EPB41: variants seen among roughly 807,000 people sequenced by gnomAD.
EPB41 encodes protein 4.1.
A neutral mutation model predicts 108.0 loss-of-function variants in EPB41; 65 were observed. The observed-to-expected ratio is 0.60, with a 90% confidence interval of 0.49 to 0.74. The LOEUF (loss-of-function observed/expected upper bound fraction) is 0.74, where lower values mean the gene tolerates loss of function less well. Ranked by LOEUF, EPB41 falls within the 30% of genes least tolerant of loss-of-function variation. The pLI is 0.00. For missense variants in EPB41, 875 were observed against 1,037.0 expected (o/e 0.84, Z 2.15); for synonymous variants, 336 against 358.9 (o/e 0.94, Z 0.72).
At chr1:29,111,851 C>A (rs538126498) in intron 18 of EPB41, among the ~76,000 whole-genome samples, 1 of 151,506 alleles carries the variant, frequency 6.6e-6, no homozygotes, top group Non-Finnish European at 1.5e-5. Flanking sequence ...GTGGTGCGTG[C>A]CTGTAGTCCC....
At chr1:29,091,319 T>C (rs1174848088) in intron 16 of EPB41, among the ~76,000 whole-genome samples, 1 of 152,222 alleles carries the variant, frequency 6.6e-6, no homozygotes, top group African/African-American at 2.4e-5. Context: ...TTCCTCTCCA[T>C]GTGAATGGGT....
intron 4 of EPB41, among the ~76,000 whole-genome samples, chr1:29,001,765 C>T (rs1355666087): frequency 6.6e-6 from 1 of 152,156 alleles, no homozygotes; most frequent in African/African-American, 2.4e-5. Flanking sequence ...TCTCCCTCCT[C>T]CTTTACACAA....
intron 1 of EPB41, among the ~76,000 whole-genome samples, chr1:28,890,659 A>G (rs1020873379): frequency 6.6e-6 from 1 of 152,232 alleles, no homozygotes; most frequent in African/African-American, 2.4e-5. Context: ...TACTATGCAC[A>G]GCATTCTGTT....
chr1:29,057,396 A>AAAAAAAAAAT (rs1645722060), intron 12 of EPB41, among the ~76,000 whole-genome samples: 1 of 148,428 alleles, frequency 6.7e-6, no homozygotes, highest in Non-Finnish European at 1.5e-5. Flanking sequence ...AAAAAAAAAA[A>AAAAAAAAAAT]GAAAAAGAAA....
chr1:29,075,156 C>CA (rs397979778), intron 16 of EPB41, among the ~76,000 whole-genome samples: 12,964 of 97,548 alleles, frequency 0.13, 1,524 homozygotes, highest in African/African-American at 0.3. Context: ...GACTCCGTCT[C>CA]AAAAAAAAAA....
chr1:28,993,600 T>G (rs1419906827), intron 3 of EPB41, 58 bp downstream of exon 3: 1 of 1,506,936 alleles, frequency 6.6e-7, no homozygotes, highest in East Asian at 2.3e-5. Flanking sequence ...CATCTAGAGT[T>G]GCGTAAGTGG....
intron 1 of EPB41, among the ~76,000 whole-genome samples, chr1:28,943,599 A>G (rs2094382746): frequency 1.3e-5 from 2 of 152,072 alleles, no homozygotes; most frequent in South Asian, 4.1e-4. Flanking sequence ...CAGTGAGCTG[A>G]TATCGTGCCA....
intron 5 of EPB41, among the ~76,000 whole-genome samples, chr1:29,013,846 T>G (rs1028519846): frequency 1.4e-5 from 2 of 147,050 alleles, no homozygotes; most frequent in African/African-American, 5.2e-5. Context: ...TTTTTTTTTT[T>G]TTTTTTTTTA....
chr1:28,993,394 A>C lies in EPB41; in HGVS notation c.533A>C (p.Glu178Ala). The part of the protein sequence containing the change: ...FEIKEGEGLE[E>A]CSKIEVKEES... ...ATTAAGGAAGGAGAAGGACTTGAAG[A>C]GTGCTCCAAAATAGAAGTAAAAGAA... Residue 178 changes from glutamate to alanine, a missense_variant, in exon 3 of 21, where the codon GAG becomes GCG. By Grantham distance (107) the Glu-to-Ala change is moderately radical. Transcript: ENST00000343067. 6.2e-7 allele frequency: 1 copy of C among 1,613,912 alleles called. No homozygotes were observed. The highest frequency in any genetic ancestry group is 2.2e-5 in the East Asian group (1 of 44,864).
chr1:28,989,464 TG>T (rs1482976263), intron 2 of EPB41: 4 of 907,150 alleles, frequency 4.4e-6, no homozygotes, highest in African/African-American at 1.8e-5. Context: ...CTGACAGTGT[TG>T]GGGGGAAAAA....
intron 15 of EPB41, among the ~76,000 whole-genome samples, chr1:29,064,114 A>T (rs1646957822): frequency 6.6e-6 from 1 of 152,126 alleles, no homozygotes; most frequent in Non-Finnish European, 1.5e-5. Context: ...GGAACAGTTG[A>T]ATTATTTTAA....
chr1:28,964,606 CAAATAAAT>C (rs768748075), intron 1 of EPB41, among the ~76,000 whole-genome samples: 1 of 151,558 alleles, frequency 6.6e-6, no homozygotes, highest in Non-Finnish European at 1.5e-5. Flanking sequence ...GACTCTGTCT[CAAATAAAT>C]AAATAAATAA....
At chr1:28,977,010 G>A (rs2095622161) in intron 1 of EPB41, among the ~76,000 whole-genome samples, 2 of 152,048 alleles carry the variant, frequency 1.3e-5, no homozygotes, top group South Asian at 4.2e-4. Flanking sequence ...GCACCACCAT[G>A]TGCAGCTAAT....
intron 1 of EPB41, among the ~76,000 whole-genome samples, chr1:28,897,100 G>A (rs2090749634): frequency 6.6e-6 from 1 of 152,174 alleles, no homozygotes; most frequent in South Asian, 2.1e-4. Context: ...GGCCACCAGG[G>A]CCCAGGGTAC....
chr1:29,022,078 TC>T (rs1001482419), intron 7 of EPB41, among the ~76,000 whole-genome samples: 25 of 152,296 alleles, frequency 1.6e-4, no homozygotes, highest in Middle Eastern at 6.8e-3. Flanking sequence ...CTTTTATATA[TC>T]CCCATGATCT....
intron 1 of EPB41, among the ~76,000 whole-genome samples, chr1:28,969,762 G>A (rs1210316384): frequency 6.6e-6 from 1 of 152,110 alleles, no homozygotes. Flanking sequence ...TTAGCCGGGC[G>A]TGGCGGTGGG....
chr1:29,103,304 C>T (rs984520402), intron 17 of EPB41, among the ~76,000 whole-genome samples: 4 of 151,868 alleles, frequency 2.6e-5, no homozygotes, highest in South Asian at 2.1e-4. Flanking sequence ...GTAGCTCCTA[C>T]AAAAAAAGGA....
At chr1:28,972,388 C>A (rs912527934) in intron 1 of EPB41, among the ~76,000 whole-genome samples, 1 of 152,152 alleles carries the variant, frequency 6.6e-6, no homozygotes, top group African/African-American at 2.4e-5. Context: ...ATCCAGACAT[C>A]TTTTAAGTAT....
intron 16 of EPB41, chr1:29,069,904 C>A (rs1326230130): frequency 6.6e-6 from 1 of 152,286 alleles, no homozygotes; most frequent in Non-Finnish European, 1.5e-5. Context: ...AAACTCCTGA[C>A]CTCGTGATCC....
Sources: gnomAD v4.1 joint callset for allele counts (sites outside exome capture counted in the v4.1 genomes callset) on GRCh38, gnomAD v4.1.1 for gene constraint, MANE v1.5 for transcripts, NCBI Gene and HGNC (gene_info 2026-07-23, HGNC 2026-07-21) for gene names.